Variants in SBF2 observed in about 807,000 individuals in gnomAD.
The protein encoded by SBF2 is myotubularin-related protein 13.
A neutral mutation model predicts 225.2 loss-of-function variants in SBF2; 112 were observed. The ratio of observed to expected loss-of-function variants is 0.50; its 90% CI spans 0.43 to 0.58. The LOEUF (loss-of-function observed/expected upper bound fraction) is 0.58. Ranked by LOEUF, SBF2 falls within the 20% of genes least tolerant of loss-of-function variation. The pLI is 0.00. For synonymous variants in SBF2, 763 were observed against 773.3 expected, an observed-to-expected ratio of 0.99 and a Z score of 0.22; for missense variants, 1,996 against 2,206.2, an observed-to-expected ratio of 0.90 and a Z score of 1.91.
chr11:10,231,745 C>CTCGGGGG (rs1163092221), intron 1 of SBF2, among the ~76,000 whole-genome samples: 3 of 152,200 alleles, frequency 2.0e-5, no homozygotes, highest in African/African-American at 7.2e-5. Flanking sequence ...AGTTAGGCTA[C>CTCGGGGG]TCAGGGGTCA....
chr11:10,221,406 C>T (rs992525639), intron 1 of SBF2, among the ~76,000 whole-genome samples: 5 of 152,208 alleles, frequency 3.3e-5, no homozygotes, highest in Admixed American at 6.5e-5. Flanking sequence ...GCATGAGCCA[C>T]TGTGCCCAGC....
chr11:10,284,736 A>C (rs1238709245), intron 1 of SBF2, among the ~76,000 whole-genome samples: 1 of 151,816 alleles, frequency 6.6e-6, no homozygotes, highest in Non-Finnish European at 1.5e-5. Flanking sequence ...TCAACCTCCC[A>C]AGCAGCTGGG....
intron 2 of SBF2, among the ~76,000 whole-genome samples, chr11:10,102,764 T>C (rs754406335): frequency 9.2e-5 from 14 of 152,306 alleles, no homozygotes; most frequent in Non-Finnish European, 1.5e-4. Flanking sequence ...TCTGGGCCCA[T>C]GTGTCTGAGT....
chr11:9,863,475 T>C (rs532432510), intron 17 of SBF2, among the ~76,000 whole-genome samples: 1 of 152,218 alleles, frequency 6.6e-6, no homozygotes, highest in Admixed American at 6.5e-5. Context: ...GGAGATTTCC[T>C]ATCTAGTTCT....
At chr11:9,848,382 A>G (rs1418554748) in intron 22 of SBF2, among the ~76,000 whole-genome samples, 1 of 152,260 alleles carries the variant, frequency 6.6e-6, no homozygotes, top group East Asian at 1.9e-4. Flanking sequence ...AAAAGGAAAT[A>G]AAAAGATTTT....
intron 1 of SBF2, among the ~76,000 whole-genome samples, chr11:10,252,156 C>T (rs1406532506): frequency 6.6e-6 from 1 of 152,230 alleles, no homozygotes; most frequent in African/African-American, 2.4e-5. Flanking sequence ...AGTCCTTGTT[C>T]TTGCTTTTGC....
At chr11:10,005,557 A>G (rs1948153940) in intron 6 of SBF2, among the ~76,000 whole-genome samples, 1 of 152,124 alleles carries the variant, frequency 6.6e-6, no homozygotes, top group Non-Finnish European at 1.5e-5. Flanking sequence ...CTCCTGCTCT[A>G]AAATTTGCCT....
At chr11:10,148,176 G>T (rs940454068) in intron 2 of SBF2, among the ~76,000 whole-genome samples, 7 of 152,134 alleles carry the variant, frequency 4.6e-5, no homozygotes, top group Non-Finnish European at 1.0e-4. Flanking sequence ...CCCAATGAAA[G>T]TCTAATATTC....
At chr11:9,960,421 T>C (rs1180497189) in intron 16 of SBF2, 4 of 152,230 alleles carry the variant, frequency 2.6e-5, no homozygotes. Context: ...TTTAAGTCTT[T>C]AATACATGTG....
In SBF2 at chr11:9,993,958, G is replaced by C; in HGVS notation, c.1016C>G (p.Pro339Arg). The C allele has an allele frequency of 1.6e-6, 2 of 1,239,442 alleles. No individual in the cohort carries two copies. Among genetic ancestry groups the C allele is most frequent in the Non-Finnish European group, 2.4e-6 (2 of 837,850 alleles). 76.8% of individuals were successfully genotyped at this position (1,239,442 alleles called of 1,614,324 possible). ...PDLEVADHAF[P>R]PPRTALSHSK... ...GTGGGATAAAGCTGTTCGTGGAGGA[G>C]GAAAAGCATGATCTGCTACTTCCAA... Residue 339 changes from proline (P) to arginine (R), a missense_variant, in exon 10 of 40, where the codon CCT becomes CGT. Physicochemically the swap from Pro to Arg is moderately radical, Grantham distance 103 (BLOSUM62 -2). Transcript: ENST00000256190.
At chr11:10,042,783 T>C (rs915947125) in intron 3 of SBF2, 61 bp downstream of exon 3, 21 of 1,575,110 alleles carry the variant, frequency 1.3e-5, no homozygotes, top group East Asian at 4.5e-5. Context: ...ATATGGCATA[T>C]AAAAAACATT....
At chr11:10,194,553 T>C (rs1555072517) in intron 1 of SBF2, among the ~76,000 whole-genome samples, 1 of 152,118 alleles carries the variant, frequency 6.6e-6, no homozygotes, top group African/African-American at 2.4e-5. Context: ...CTCTGTTGTC[T>C]AGGCTGGAGT....
intron 16 of SBF2, among the ~76,000 whole-genome samples, chr11:9,938,020 C>T (rs771424929): frequency 1.3e-4 from 19 of 150,056 alleles, no homozygotes; most frequent in Non-Finnish European, 2.7e-4. Context: ...GGGTCGGGCA[C>T]GGTAGCTCAC....
intron 6 of SBF2, among the ~76,000 whole-genome samples, chr11:10,020,105 A>G (rs1948792415): frequency 6.6e-6 from 1 of 152,072 alleles, no homozygotes; most frequent in Admixed American, 6.5e-5. Context: ...CTCTCTCTCT[A>G]AAATAATAAT....
chr11:10,028,101 A>G (rs1198896048), intron 6 of SBF2, among the ~76,000 whole-genome samples: 1 of 152,000 alleles, frequency 6.6e-6, no homozygotes, highest in African/African-American at 2.4e-5. Flanking sequence ...TTCTGTAGAT[A>G]TGGGGTCTCA....
At chr11:10,239,006 C>T (rs1206098946) in intron 1 of SBF2, among the ~76,000 whole-genome samples, 1 of 150,662 alleles carries the variant, frequency 6.6e-6, no homozygotes, top group Non-Finnish European at 1.5e-5. Flanking sequence ...ACAAACAAAA[C>T]AGGAATACAG....
chr11:9,839,543 T>C lies in SBF2; in HGVS notation c.3410A>G (p.Tyr1137Cys), dbSNP rs370742916. The C allele has an allele frequency of 9.3e-6, 15 of 1,614,068 alleles. No individual in the cohort carries two copies. The African/African-American group carries it at 2.0e-4, about 22-fold the overall frequency. ...CCTGTTGGAGGCAGTAATTCTAAAA[T>C]ACTCGGGTCTTGAACGGGAAGAGCT... ...SGSSSRSRPE[Y>C]FRITASNRMY... The change falls in exon 26 of 40, where the codon TAT becomes TGT. Residue 1137 changes from tyrosine to cysteine, a missense_variant. Physicochemically the swap from Tyr to Cys is radical, Grantham distance 194. Transcript: ENST00000256190.
At chr11:10,304,289 CA>C (rs1964627564) in intron 1 of SBF2, among the ~76,000 whole-genome samples, 1 of 152,162 alleles carries the variant, frequency 6.6e-6, no homozygotes, top group African/African-American at 2.4e-5. Context: ...TGAAGGCAGC[CA>C]GGCACAATCT....
chr11:10,184,491 T>G (rs887790485), intron 2 of SBF2, among the ~76,000 whole-genome samples: 1 of 152,206 alleles, frequency 6.6e-6, no homozygotes, highest in East Asian at 1.9e-4. Flanking sequence ...TTTATCATCT[T>G]AACAATCTTA....
Sources: gnomAD v4.1 joint callset for allele counts (sites outside exome capture counted in the v4.1 genomes callset) on GRCh38, gnomAD v4.1.1 for gene constraint, MANE v1.5 for transcripts, NCBI Gene and HGNC (gene_info 2026-07-23, HGNC 2026-07-21) for gene names.